TIAM1: variants seen among roughly 807,000 people sequenced by gnomAD.
TIAM1 encodes the protein TIAM Rac1 associated GEF 1, also known as rho guanine nucleotide exchange factor TIAM1.
A neutral mutation model predicts 163.5 loss-of-function variants in TIAM1; 65 were observed. That is an observed-to-expected ratio of 0.40 (90% confidence interval 0.33 to 0.49). The LOEUF is 0.49. TIAM1 is among the 20% of genes least tolerant of loss of function. The pLI, the probability that TIAM1 is intolerant of heterozygous loss-of-function variation, is 0.77. For synonymous variants in TIAM1, 833 were observed against 810.1 expected, an observed-to-expected ratio of 1.03 and a Z score of -0.48; for missense variants, 1,789 against 2,044.7, an observed-to-expected ratio of 0.87 and a Z score of 2.41.
In TIAM1 at chr21:31,299,841, T is replaced by C. The variant is rs529369822; in HGVS notation, c.-188-22933A>G. Among the ~76,000 whole-genome samples the C allele has an allele frequency of 1.4e-4, 22 of 152,268 alleles. No homozygotes were observed. In the South Asian group the frequency reaches 4.4e-3, roughly 30 times the overall value. On this transcript the variant is annotated intron_variant, in intron 2 of 27. Transcript: ENST00000541036. ...GGAATAATAAGAGTACATGGAACAA[T>C]CTGTTGGAAATCACAGTCCGCTGCC...
intron 1 of TIAM1, among the ~76,000 whole-genome samples, chr21:31,506,041 G>T (rs183757612): frequency 2.1e-5 from 3 of 145,706 alleles, no homozygotes; most frequent in East Asian, 2.0e-4. Flanking sequence ...AGGCTGATGC[G>T]CACAACAGGA....
At chr21:31,424,523 T>C (rs2043713156) in intron 2 of TIAM1, among the ~76,000 whole-genome samples, 1 of 152,196 alleles carries the variant, frequency 6.6e-6, no homozygotes. Context: ...TTATGCTAAC[T>C]GAAATAAACC....
chr21:31,213,745 T>G (rs375939918), intron 9 of TIAM1, among the ~76,000 whole-genome samples: 1 of 150,658 alleles, frequency 6.6e-6, no homozygotes, highest in Non-Finnish European at 1.5e-5. Context: ...TTAAAGAAAA[T>G]AGGCTGGGCA....
chr21:31,232,503 C>G (rs940202760), intron 6 of TIAM1, among the ~76,000 whole-genome samples: 5 of 152,202 alleles, frequency 3.3e-5, no homozygotes, highest in Non-Finnish European at 5.9e-5. Context: ...GAACTCTCCA[C>G]TGACTGCTTT....
chr21:31,121,837 G>A (rs1430134865), intron 27 of TIAM1, among the ~76,000 whole-genome samples: 1 of 152,124 alleles, frequency 6.6e-6, no homozygotes, highest in African/African-American at 2.4e-5. Context: ...ACACATACAC[G>A]AGACTGCTCA....
chr21:31,438,243 G>A (rs1189144654), intron 2 of TIAM1, among the ~76,000 whole-genome samples: 1 of 131,178 alleles, frequency 7.6e-6, no homozygotes, highest in Non-Finnish European at 1.5e-5. Flanking sequence ...CCAGACTGGA[G>A]TGCAGTGGCA....
chr21:31,423,700 TAAAAAAAAAAAAAAAAA>T (rs200137644), intron 2 of TIAM1, among the ~76,000 whole-genome samples: 6 of 48,226 alleles, frequency 1.2e-4, no homozygotes, highest in Non-Finnish European at 1.5e-4. Flanking sequence ...TAGAAAGTTG[TAAAAAAAAAAAAAAAAA>T]AAAAAAAAAA....
chr21:31,475,020 AGTTTTTT>A (rs1569364239), intron 1 of TIAM1, among the ~76,000 whole-genome samples: 1 of 119,394 alleles, frequency 8.4e-6, no homozygotes. Context: ...GCTGTGAGCT[AGTTTTTT>A]ATTATTATTA....
chr21:31,124,656 T>C lies in TIAM1; in HGVS notation c.4172A>G (p.His1391Arg), dbSNP rs778958651. 1.9e-6 allele frequency: 3 copies of C among 1,609,766 alleles called. No homozygotes were observed. Among genetic ancestry groups the C allele is most frequent in the East Asian group, 4.5e-5 (2 of 44,804 alleles). The change falls in exon 27 of 28, where the codon CAT (histidine) becomes CGT (arginine). Residue 1391 changes from histidine to arginine, a missense_variant. His to Arg is a conservative substitution (Grantham distance 29). Transcript: ENST00000541036. ...ESRKDFLKAV[H>R]SILRDKHRRQ... ...TCTGTGCTTATCACGCAGGATTGAA[T>C]GCACAGCCTTTAGGAAATCCTTTCG...
chr21:31,558,206 T>A (rs1419074202), intron 1 of TIAM1, among the ~76,000 whole-genome samples: 1 of 151,878 alleles, frequency 6.6e-6, no homozygotes, highest in East Asian at 2.0e-4. Flanking sequence ...GCGGCAGAGC[T>A]GGTGAGAGGG....
rs150431101 is a variant in TIAM1 at position 31,154,343 on chromosome 21, C to T, written c.3075G>A (p.Thr1025=). The part of the protein sequence containing the change: ...SDQSPSPQDS[T]GPQLATMRQL... ...GTCTCATGGTCGCCAGCTGAGGCCC[C>T]GTGGAGTCCTGAGGAGATGGGCTCT... Residue 1025 remains threonine, a synonymous_variant, in exon 17 of 28, where the codon ACG becomes ACA. Transcript: ENST00000541036. 5.0e-6 allele frequency: 8 copies of T among 1,613,974 alleles called. No individual in the cohort carries two copies. The African/African-American group carries it at 5.3e-5, about 11-fold the overall frequency.
intron 1 of TIAM1, among the ~76,000 whole-genome samples, chr21:31,517,142 T>A (rs572215528): frequency 3.3e-5 from 5 of 152,166 alleles, no homozygotes; most frequent in African/African-American, 9.6e-5. Flanking sequence ...GTCAGGGTCT[T>A]CAAGGCTCAC....
chr21:31,362,041 G>A (rs1315280592), intron 2 of TIAM1, among the ~76,000 whole-genome samples: 3 of 151,986 alleles, frequency 2.0e-5, no homozygotes, highest in African/African-American at 7.3e-5. Flanking sequence ...CATGCTTATA[G>A]TCCCAGCTAC....
chr21:31,507,076 T>C (rs2047053479), intron 1 of TIAM1, among the ~76,000 whole-genome samples: 1 of 151,916 alleles, frequency 6.6e-6, no homozygotes, highest in Non-Finnish European at 1.5e-5. Context: ...AATATCTCTC[T>C]AAGTGTCTGC....
At chr21:31,337,729 C>T (rs1378596950) in intron 2 of TIAM1, among the ~76,000 whole-genome samples, 5 of 151,872 alleles carry the variant, frequency 3.3e-5, no homozygotes, top group African/African-American at 7.3e-5. Context: ...CAGGGTTTCA[C>T]CATGTTGGCT....
intron 2 of TIAM1, among the ~76,000 whole-genome samples, chr21:31,427,660 A>G (rs2043843520): frequency 6.6e-6 from 1 of 151,580 alleles, no homozygotes; most frequent in Non-Finnish European, 1.5e-5. Context: ...CATATCTATG[A>G]AAAATTTTTT....
intron 2 of TIAM1, among the ~76,000 whole-genome samples, chr21:31,322,078 A>G (rs1039004260): frequency 6.6e-6 from 1 of 152,164 alleles, no homozygotes; most frequent in Admixed American, 6.5e-5. Flanking sequence ...AACTCAGCAG[A>G]GAAAGAAATA....
rs569695295 is a variant in TIAM1 at position 31,516,959 on chromosome 21, G to C, written c.-422+41968C>G. Among the ~76,000 whole-genome samples, 4 of 146,152 alleles carry C rather than the reference G, an allele frequency of 2.7e-5. No individual in the cohort carries two copies. In the South Asian group the frequency reaches 8.6e-4, roughly 32 times the overall value. ...ACCTACTTGGGAGGCTGAGGCAGGA[G>C]AATCACTTGAACACAGGAGGTGGAA... On this transcript the variant is annotated intron_variant, in intron 1 of 28. Coordinates refer to the TIAM1 transcript ENST00000286827.
chr21:31,511,001 GACA>G (rs758517820), intron 1 of TIAM1, among the ~76,000 whole-genome samples: 2 of 152,180 alleles, frequency 1.3e-5, no homozygotes, highest in Non-Finnish European at 1.5e-5. Flanking sequence ...AGACACATAG[GACA>G]ACGCCATGTG....
Sources: gnomAD v4.1 joint callset for allele counts (sites outside exome capture counted in the v4.1 genomes callset) on GRCh38, gnomAD v4.1.1 for gene constraint, MANE v1.5 for transcripts, NCBI Gene and HGNC (gene_info 2026-07-23, HGNC 2026-07-21) for gene names.